PEX5L: variants seen among roughly 807,000 people sequenced by gnomAD.
PEX5L encodes PEX5-related protein.
In PEX5L, 30 loss-of-function variants were observed where a neutral mutation model predicts 84.0. That is an observed-to-expected ratio of 0.36 (90% CI 0.27 to 0.48). The LOEUF is 0.48. Among genes scored for constraint, PEX5L ranks in the 20% least tolerant of loss-of-function variants. PEX5L has a pLI of 0.99. For missense variants in PEX5L, 533 were observed against 754.6 expected (o/e 0.71, Z 3.44); for synonymous variants, 270 against 283.1 (o/e 0.95, Z 0.46).
In PEX5L at chr3:179,852,836, A is replaced by G. The variant is rs563616503; in HGVS notation, c.822+6226T>C. Among the ~76,000 whole-genome samples the G allele has an allele frequency of 1.8e-4, 27 of 152,362 alleles. 1 individual carries two copies. The highest frequency in any genetic ancestry group is 6.5e-4 in the African/African-American group (27 of 41,592). ...GGCATAAAACAAGCATTATAATAATATTAGAGTTAAGCAGAACGTGATTTT... is the reference window on the plus strand; with the variant it reads ...GGCATAAAACAAGCATTATAATAATGTTAGAGTTAAGCAGAACGTGATTTT... On this transcript the variant is annotated intron_variant, in intron 8 of 14. Coordinates refer to ENST00000467460, the MANE Select transcript of PEX5L (RefSeq NM_016559.3).
chr3:179,845,146 C>T (rs1334898539), intron 8 of PEX5L, among the ~76,000 whole-genome samples: 1 of 152,336 alleles, frequency 6.6e-6, no homozygotes, highest in South Asian at 2.1e-4. Flanking sequence ...TATATGGCTA[C>T]TCCAGCTTTT....
intron 2 of PEX5L, among the ~76,000 whole-genome samples, chr3:179,923,264 C>T (rs1770291582): frequency 7.8e-6 from 1 of 128,406 alleles, no homozygotes; most frequent in South Asian, 2.5e-4. Context: ...GCACTCCAGC[C>T]TGGGCGACAG....
intron 2 of PEX5L, among the ~76,000 whole-genome samples, chr3:179,950,839 A>G (rs1778893655): frequency 1.3e-5 from 2 of 152,190 alleles, no homozygotes; most frequent in African/African-American, 2.4e-5. Context: ...GTGATGGATG[A>G]GGAAAGGCTG....
intron 8 of PEX5L, among the ~76,000 whole-genome samples, chr3:179,825,592 G>A (rs1352785338): frequency 7.7e-6 from 1 of 130,488 alleles, no homozygotes; most frequent in Non-Finnish European, 1.6e-5. Flanking sequence ...CAATATTGGT[G>A]GGGGTATGCT....
At chr3:179,872,453 T>C (rs1272498603) in intron 7 of PEX5L, among the ~76,000 whole-genome samples, 6 of 152,220 alleles carry the variant, frequency 3.9e-5, no homozygotes, top group African/African-American at 1.2e-4. Flanking sequence ...AAGGATTCAT[T>C]AAGATTTGTC....
At chr3:179,854,281 A>G (rs2108488281) in intron 8 of PEX5L, among the ~76,000 whole-genome samples, 1 of 152,106 alleles carries the variant, frequency 6.6e-6, no homozygotes, top group South Asian at 2.1e-4. Context: ...CAGGTCATTT[A>G]CTACAAACAA....
intron 3 of PEX5L, among the ~76,000 whole-genome samples, chr3:179,897,821 T>C (rs1233050381): frequency 6.6e-6 from 1 of 152,104 alleles, no homozygotes; most frequent in Admixed American, 6.6e-5. Flanking sequence ...GTTAGCTTAA[T>C]TGTTATTTCT....
chr3:180,033,259 C>T (rs1791614666), intron 1 of PEX5L, among the ~76,000 whole-genome samples: 1 of 152,106 alleles, frequency 6.6e-6, no homozygotes, highest in Admixed American at 6.5e-5. Flanking sequence ...TAGTTTATGT[C>T]TTGTGAAGCT....
chr3:180,016,215 C>T (rs527939802), intron 1 of PEX5L, among the ~76,000 whole-genome samples: 13 of 152,136 alleles, frequency 8.5e-5, no homozygotes, highest in Non-Finnish European at 1.8e-4. Flanking sequence ...CTAGGTCATA[C>T]CATGGGGAAG....
At chr3:179,879,665 G>A (rs983721277) in intron 5 of PEX5L, among the ~76,000 whole-genome samples, 2 of 152,130 alleles carry the variant, frequency 1.3e-5, no homozygotes, top group Admixed American at 1.3e-4. Context: ...TGTAACTTTA[G>A]TGCCTAACCT....
rs563360993 is a variant in PEX5L, at chr3:180,008,570, A to G, written c.21+28009T>C. Among the ~76,000 whole-genome samples the G allele has an allele frequency of 3.9e-5, 6 of 152,352 alleles. No individual in the cohort carries two copies. The South Asian group carries it at 1.2e-3, about 32-fold the overall frequency. ...TCGTTTTGATGCTGCTGATAAAGAC[A>G]TACCCAAGACTGGGAAGAAAATGAG... On this transcript the variant is annotated intron_variant, in intron 1 of 14. Transcript: ENST00000467460.
chr3:179,803,062 T>C (rs972580778), intron 14 of PEX5L, among the ~76,000 whole-genome samples: 3 of 152,218 alleles, frequency 2.0e-5, no homozygotes, highest in Non-Finnish European at 4.4e-5. Context: ...AAAGCTAATA[T>C]GTTATTTGAT....
chr3:179,827,623 C>CT (rs2109063885), intron 8 of PEX5L, among the ~76,000 whole-genome samples: 1 of 152,276 alleles, frequency 6.6e-6, no homozygotes, highest in East Asian at 1.9e-4. Context: ...ATTGGAACAT[C>CT]TTTTACTACT....
intron 1 of PEX5L, among the ~76,000 whole-genome samples, chr3:180,027,221 T>G (rs1480946273): frequency 6.6e-6 from 1 of 152,120 alleles, no homozygotes; most frequent in African/African-American, 2.4e-5. Context: ...AGCAGTGGGG[T>G]CCACACTGAC....
In PEX5L at chr3:179,876,265, G is replaced by A. The variant is rs537851744; in HGVS notation, c.506-788C>T. Among the ~76,000 whole-genome samples, 7 of 152,138 alleles carry A rather than the reference G, an allele frequency of 4.6e-5. No homozygotes were observed. In the East Asian group the frequency reaches 5.8e-4, roughly 13 times the overall value. ...TCCCAGCACATTGGGAGGCAGAGGC[G>A]GGTGGATCACCTGAGGTCAGCAGTT... On this transcript the variant is annotated intron_variant, in intron 5 of 14. Transcript: ENST00000467460.
chr3:179,969,937 T>C (rs1784325421), intron 2 of PEX5L, among the ~76,000 whole-genome samples: 3 of 152,162 alleles, frequency 2.0e-5, no homozygotes, highest in Admixed American at 2.0e-4. Context: ...TAACAATTAG[T>C]AAAATGTGTT....
At chr3:179,936,902 A>G (rs1774743563) in intron 2 of PEX5L, among the ~76,000 whole-genome samples, 1 of 94,370 alleles carries the variant, frequency 1.1e-5, no homozygotes, top group Non-Finnish European at 2.3e-5. Context: ...AGAGGAATAC[A>G]TTTGACAGCT....
At chr3:179,803,581 A>C (rs1046767938) in intron 14 of PEX5L, among the ~76,000 whole-genome samples, 1 of 152,078 alleles carries the variant, frequency 6.6e-6, no homozygotes, top group African/African-American at 2.4e-5. Flanking sequence ...TTTCACCCCA[A>C]CCTTGTTGAG....
intron 1 of PEX5L, among the ~76,000 whole-genome samples, chr3:179,975,082 A>C (rs12635390): frequency 0.16 from 24,029 of 152,132 alleles, 2,229 homozygotes; most frequent in Admixed American, 0.24. Context: ...CTAGCTACTC[A>C]GGAGGCTGAG....
Sources: allele counts gnomAD v4.1 joint callset (sites outside exome capture counted in the v4.1 genomes callset), GRCh38; gene constraint gnomAD v4.1.1; transcripts MANE v1.5; gene names NCBI Gene and HGNC (gene_info 2026-07-23, HGNC 2026-07-21).